MARCHF8: variants seen among roughly 807,000 people sequenced by gnomAD.
The protein encoded by MARCHF8 is E3 ubiquitin-protein ligase MARCHF8.
MARCHF8 carries 40 observed loss-of-function variants against 51.6 expected under a neutral mutation model. The ratio of observed to expected loss-of-function variants is 0.77; its 90% CI spans 0.60 to 1.01. The LOEUF (loss-of-function observed/expected upper bound fraction) is 1.01. Ranked by LOEUF, MARCHF8 falls within the 50% of genes least tolerant of loss-of-function variation. MARCHF8 has a pLI of 0.00. For synonymous variants in MARCHF8, 263 were observed against 280.3 expected (o/e 0.94, Z 0.62); for missense variants, 685 against 708.6 (o/e 0.97, Z 0.38).
rs537145246 is a variant in MARCHF8 at position 45,500,853 on chromosome 10, C to T, written c.103-11436G>A. ...TACAAAATAGACATACAAAAATTAA[C>T]TGCATTGCTATATATATATATACAT... On this transcript the variant is annotated intron_variant, in intron 2 of 7. Coordinates refer to ENST00000453424, the MANE Select transcript of MARCHF8 (RefSeq NM_001282866.2). 4.6e-5 allele frequency among the ~76,000 whole-genome samples: 7 copies of T among 151,952 alleles called. No homozygotes were observed. In the South Asian group the frequency reaches 1.5e-3, roughly 32 times the overall value.
chr10:45,492,299 T>TC lies in MARCHF8; in HGVS notation c.103-2883_103-2882insG, dbSNP rs201411234. 2.8e-3 allele frequency among the ~76,000 whole-genome samples: 404 copies of TC among 145,378 alleles called. 10 individuals carry two copies. The East Asian group carries it at 0.036, about 13-fold the overall frequency. On this transcript the variant is annotated intron_variant, in intron 2 of 7. Coordinates refer to ENST00000453424, the MANE Select transcript of MARCHF8 (RefSeq NM_001282866.2). ...TTTTTCTTCTTCTTCTTCTTCTTCT[T>TC]TTTTTTTTTCTTTTTTGATACGTAG...
intron 1 of MARCHF8, chr10:45,594,199 A>G (rs780995625): frequency 1.3e-4 from 20 of 152,368 alleles, no homozygotes; most frequent in Non-Finnish European, 2.6e-4. Flanking sequence ...TTTAAAGACC[A>G]AAGAAAAGTT....
chr10:45,495,856 AAGAAG>A (rs2043166588), intron 2 of MARCHF8, among the ~76,000 whole-genome samples: 3 of 151,900 alleles, frequency 2.0e-5, no homozygotes, highest in Non-Finnish European at 4.4e-5. Flanking sequence ...AAGAAAAGAG[AAGAAG>A]AGAAGAGAGA....
At position 45,458,243 on chromosome 10, in the gene MARCHF8, A is replaced by G; in HGVS notation, c.1718T>C (p.Val573Ala). 2.5e-6 allele frequency: 4 copies of G among 1,608,630 alleles called. No homozygotes were observed. Among genetic ancestry groups the G allele is most frequent in the Non-Finnish European group, 3.4e-6 (4 of 1,177,134 alleles). Reference sequence around the variant, plus strand: ...AAAATGACAACCCGCACACAATCAGACGTGAATGATTTCTGCTCCAGTGTC... The same window carrying G: ...AAAATGACAACCCGCACACAATCAGGCGTGAATGATTTCTGCTCCAGTGTC... ...PEDTGAEIIH[V>A] Residue 573 changes from valine (V) to alanine (A), a missense_variant, in exon 8 of 8, where the codon GTC (valine) becomes GCC (alanine). Physicochemically the swap from Val to Ala is moderately conservative, Grantham distance 64. Coordinates refer to ENST00000453424, the MANE Select transcript of MARCHF8 (RefSeq NM_001282866.2).
intron 2 of MARCHF8, among the ~76,000 whole-genome samples, chr10:45,513,449 T>C (rs1326485373): frequency 6.6e-6 from 1 of 152,056 alleles, no homozygotes; most frequent in Non-Finnish European, 1.5e-5. Context: ...TTGTAGAGCT[T>C]ATGAAAACAG....
chr10:45,486,163 T>C (rs555520948), intron 3 of MARCHF8, among the ~76,000 whole-genome samples: 2 of 152,270 alleles, frequency 1.3e-5, no homozygotes, highest in Admixed American at 1.3e-4. Context: ...AGTAATCAAA[T>C]GTTCTAAAGG....
intron 6 of MARCHF8, among the ~76,000 whole-genome samples, chr10:45,459,563 C>A (rs1030305370): frequency 6.6e-6 from 1 of 152,192 alleles, no homozygotes; most frequent in Admixed American, 6.5e-5. Flanking sequence ...ATAAAGAATT[C>A]TATGATTTCA....
intron 3 of MARCHF8, among the ~76,000 whole-genome samples, chr10:45,478,912 C>A (rs1398533964): frequency 1.3e-5 from 2 of 152,238 alleles, no homozygotes; most frequent in Admixed American, 1.3e-4. Flanking sequence ...GACTTCACTG[C>A]CAAATTCTAC....
intron 3 of MARCHF8, among the ~76,000 whole-genome samples, chr10:45,483,504 T>A (rs1050319345): frequency 6.6e-5 from 10 of 152,216 alleles, no homozygotes; most frequent in Non-Finnish European, 1.2e-4. Context: ...AAAAATAGTA[T>A]GGGAATTCCT....
chr10:45,467,793 ACTCTC>A (rs1252804528), intron 3 of MARCHF8, among the ~76,000 whole-genome samples: 1 of 151,678 alleles, frequency 6.6e-6, no homozygotes, highest in Non-Finnish European at 1.5e-5. Flanking sequence ...GAACACCTAC[ACTCTC>A]CTCTCCATAG....
chr10:45,488,901 C>A (rs905696719), intron 3 of MARCHF8, among the ~76,000 whole-genome samples: 2 of 152,270 alleles, frequency 1.3e-5, no homozygotes, highest in African/African-American at 2.4e-5. Flanking sequence ...TAGGTCCATG[C>A]GGGTTACACA....
intron 2 of MARCHF8, among the ~76,000 whole-genome samples, chr10:45,525,927 A>G (rs1183731462): frequency 6.6e-6 from 1 of 152,244 alleles, no homozygotes; most frequent in African/African-American, 2.4e-5. Flanking sequence ...AGGAGATACA[A>G]CAACAAAATG....
At chr10:45,592,725 A>G (rs994488689) in intron 1 of MARCHF8, among the ~76,000 whole-genome samples, 1 of 152,198 alleles carries the variant, frequency 6.6e-6, no homozygotes, top group Non-Finnish European at 1.5e-5. Flanking sequence ...GCTTGAATCA[A>G]TTCATTCCCA....
In MARCHF8 at chr10:45,463,244, G is replaced by A. The variant is rs1281921655; in HGVS notation, c.995C>T (p.Ser332Phe). Reference sequence around the variant, plus strand: ...ATCCAGGTCGCTGTCCTTTTCCGTGGAGCAGAGGGGCGCCCGCAGAACCCT... The same window carrying A: ...ATCCAGGTCGCTGTCCTTTTCCGTGAAGCAGAGGGGCGCCCGCAGAACCCT... ...KSRVLRAPLCSTEKDSDLDCP... is the reference protein window; with the variant it reads ...KSRVLRAPLCFTEKDSDLDCP... The change falls in exon 5 of 8, where the codon TCC becomes TTC. Residue 332 changes from serine (S) to phenylalanine (F), a missense_variant. Ser to Phe is a radical substitution (Grantham distance 155). Transcript: ENST00000453424. 16 of 1,550,734 alleles carry A rather than the reference G, an allele frequency of 1.0e-5. No individual in the cohort carries two copies. The highest frequency in any genetic ancestry group is 1.2e-5 in the Non-Finnish European group (14 of 1,147,080).
At chr10:45,492,004 C>T (rs1368904515) in intron 2 of MARCHF8, among the ~76,000 whole-genome samples, 1 of 152,222 alleles carries the variant, frequency 6.6e-6, no homozygotes, top group African/African-American at 2.4e-5. Context: ...GCTAACTTAA[C>T]ATTATAAACC....
Position 45,498,350 on chromosome 10 carries a change from T to C in MARCHF8, c.103-8933A>G, listed in dbSNP as rs144947808. On this transcript the variant is annotated intron_variant, in intron 2 of 7. Coordinates refer to ENST00000453424, the MANE Select transcript of MARCHF8 (RefSeq NM_001282866.2). Reference sequence around the variant, plus strand: ...AATATTTTTAAAAATTTTTACTTTCTGTTTCTATGATTCTGACTACTCTAG... The same window carrying C: ...AATATTTTTAAAAATTTTTACTTTCCGTTTCTATGATTCTGACTACTCTAG... Among the ~76,000 whole-genome samples, 319 of 152,348 alleles carry C rather than the reference T, an allele frequency of 2.1e-3. 1 individual carries two copies. The highest frequency in any genetic ancestry group is 7.2e-3 in the African/African-American group (301 of 41,584).
At chr10:45,555,702 C>A (rs1419712084) in intron 1 of MARCHF8, among the ~76,000 whole-genome samples, 1 of 150,200 alleles carries the variant, frequency 6.7e-6, no homozygotes, top group Non-Finnish European at 1.5e-5. Context: ...CATGATTACA[C>A]CACTGCACTC....
At chr10:45,570,975 T>G (rs2044421995) in intron 1 of MARCHF8, among the ~76,000 whole-genome samples, 1 of 152,212 alleles carries the variant, frequency 6.6e-6, no homozygotes, top group African/African-American at 2.4e-5. Flanking sequence ...ATTCGAAAAT[T>G]TCAACACTGT....
intron 1 of MARCHF8, among the ~76,000 whole-genome samples, chr10:45,580,262 T>C (rs891892424): frequency 4.6e-5 from 7 of 152,026 alleles, no homozygotes; most frequent in African/African-American, 1.5e-4. Context: ...TAATAAATGT[T>C]AAGAGAATAA....
Sources: allele counts gnomAD v4.1 joint callset (sites outside exome capture counted in the v4.1 genomes callset), GRCh38; gene constraint gnomAD v4.1.1; transcripts MANE v1.5; gene names NCBI Gene and HGNC (gene_info 2026-07-23, HGNC 2026-07-21).